Variants in PCDHGA1 observed in about 807,000 individuals in gnomAD.
The protein encoded by PCDHGA1 is protocadherin gamma-A1.
Under a neutral mutation model 58.0 loss-of-function variants are expected in PCDHGA1, and 32 were observed. That is an observed-to-expected ratio of 0.55 (90% CI 0.42 to 0.74). PCDHGA1 has a LOEUF of 0.74. Among genes scored for constraint, PCDHGA1 ranks in the 30% least tolerant of loss-of-function variants. The probability of loss-of-function intolerance (pLI) is 0.00; values close to 1 mark genes in which losing one functional copy is unlikely to be tolerated. For synonymous variants in PCDHGA1, 498 were observed against 501.1 expected (o/e 0.99, Z 0.08); for missense variants, 1,205 against 1,182.3 (o/e 1.02, Z -0.28).
At chr5:141,393,762 A>G (rs2092837336) in intron 1 of PCDHGA1, 1 of 1,613,940 alleles carries the variant, frequency 6.2e-7, no homozygotes, top group African/African-American at 1.3e-5. Context: ...ATTTTATGAA[A>G]TGGAAATACA....
intron 1 of PCDHGA1, chr5:141,377,170 T>C (rs1773747669): frequency 1.3e-5 from 2 of 152,264 alleles, no homozygotes; most frequent in Non-Finnish European, 2.9e-5. Context: ...TTTACCTTTC[T>C]CTTCTTGGCA....
chr5:141,469,376 A>T (rs572466149), intron 1 of PCDHGA1, among the ~76,000 whole-genome samples: 1 of 152,232 alleles, frequency 6.6e-6, no homozygotes, highest in East Asian at 1.9e-4. Flanking sequence ...AGAGATCGAG[A>T]CCATCCTGGC....
At chr5:141,350,693 C>T (rs760597498) in intron 1 of PCDHGA1, 1 of 1,613,390 alleles carries the variant, frequency 6.2e-7, no homozygotes, top group Non-Finnish European at 8.5e-7. Flanking sequence ...GTCAGCCTTA[C>T]CCGGGGTAAA....
chr5:141,371,529 A>G lies in PCDHGA1; in HGVS notation c.2421+38424A>G, dbSNP rs200031435. The G allele has an allele frequency of 3.3e-4, 527 of 1,613,610 alleles. No homozygotes were observed. The highest frequency in any genetic ancestry group is 8.3e-4 in the Admixed American group (50 of 59,952). On this transcript the variant is annotated intron_variant, in intron 1 of 3. Transcript: ENST00000517417. ...AACACATGATCTAGATTCTGGATTTAATGGAGAAATCCTATGCCAACTAAA... is the reference window on the plus strand; with the variant it reads ...AACACATGATCTAGATTCTGGATTTGATGGAGAAATCCTATGCCAACTAAA...
At chr5:141,442,053 G>A (rs888378256) in intron 1 of PCDHGA1, 3 of 197,472 alleles carry the variant, frequency 1.5e-5, no homozygotes, top group Non-Finnish European at 3.2e-5. Flanking sequence ...ACTGGTCGCG[G>A]TGCACTGCGG....
chr5:141,352,256 G>C (rs1367377007), intron 1 of PCDHGA1: 10 of 1,614,092 alleles, frequency 6.2e-6, no homozygotes, highest in Non-Finnish European at 8.5e-6. Context: ...TAGCCTGCAA[G>C]AGGTATTGCC....
intron 1 of PCDHGA1, chr5:141,371,564 C>A (rs1767846992): frequency 6.2e-7 from 1 of 1,613,816 alleles, no homozygotes; most frequent in Admixed American, 1.7e-5. Flanking sequence ...AAGGAAACTT[C>A]CCCTTTAAAA....
chr5:141,365,058 C>A lies in PCDHGA1; in HGVS notation c.2421+31953C>A, dbSNP rs769039827. On this transcript the variant is annotated intron_variant, in intron 1 of 3. Coordinates refer to ENST00000517417, the MANE Select transcript of PCDHGA1 (RefSeq NM_018912.3). Reference sequence around the variant, plus strand: ...GCAAACGACAATGCGCCCCTGTTCACCCCATCCGAGTACAGCGTGAGTGTT... The same window carrying A: ...GCAAACGACAATGCGCCCCTGTTCAACCCATCCGAGTACAGCGTGAGTGTT... The A allele has an allele frequency of 1.1e-5, 17 of 1,613,776 alleles. No homozygotes were observed. Among genetic ancestry groups the A allele is most frequent in the Non-Finnish European group, 1.4e-5 (17 of 1,179,912 alleles).
chr5:141,369,009 CT>C (rs1295175926), intron 1 of PCDHGA1, among the ~76,000 whole-genome samples: 2 of 152,148 alleles, frequency 1.3e-5, no homozygotes, highest in African/African-American at 4.8e-5. Context: ...GAACTCATTG[CT>C]TATTGCTGCA....
intron 1 of PCDHGA1, chr5:141,352,204 G>A (rs778821722): frequency 3.7e-6 from 6 of 1,614,036 alleles, no homozygotes; most frequent in South Asian, 1.1e-5. Flanking sequence ...GAGGACAGCC[G>A]CCACTCTCCG....
chr5:141,431,333 C>T lies in PCDHGA1; in HGVS notation c.2422-63474C>T. 1 of 1,614,058 alleles carries T rather than the reference C, an allele frequency of 6.2e-7. No individual in the cohort carries two copies. Among genetic ancestry groups the T allele is most frequent in the Non-Finnish European group, 8.5e-7 (1 of 1,180,030 alleles). On this transcript the variant is annotated intron_variant, in intron 1 of 3. Coordinates refer to ENST00000517417, the MANE Select transcript of PCDHGA1 (RefSeq NM_018912.3). The surrounding 1 kb of genome is among the most constrained non-coding windows in gnomAD (Gnocchi z 4.8). ...AAATGGAGCCGACGGTAGTAAGTAC[C>T]CCGAATTGGTGCTGAAACGCGCCCT...
In PCDHGA1 at chr5:141,387,872, G is replaced by T. The variant is rs1436610477; in HGVS notation, c.2421+54767G>T. ...TCTCCAGGCTGGTGAGCAAGCTGAG[G>T]AGAGCAAGAGGGATGGGGAGCGGCG... is the stretch of plus-strand genomic sequence containing the variant. On this transcript the variant is annotated intron_variant, in intron 1 of 3. Coordinates refer to ENST00000517417, the MANE Select transcript of PCDHGA1 (RefSeq NM_018912.3). The T allele has an allele frequency of 1.8e-5, 28 of 1,588,586 alleles. No homozygotes were observed. In the Admixed American group the frequency reaches 4.7e-4, roughly 26 times the overall value.
chr5:141,384,106 A>G, intron 1 of PCDHGA1: 1 of 1,602,128 alleles, frequency 6.2e-7, no homozygotes, highest in Non-Finnish European at 8.5e-7. Flanking sequence ...TAATTATTAT[A>G]GATTGGTCAC....
intron 1 of PCDHGA1, chr5:141,376,336 G>A (rs1433665161): frequency 1.2e-6 from 2 of 1,614,080 alleles, no homozygotes; most frequent in African/African-American, 2.7e-5. Flanking sequence ...CTTTCCTGCA[G>A]ACCTATTCCC....
chr5:141,439,297 G>T (rs1252051365), intron 1 of PCDHGA1, among the ~76,000 whole-genome samples: 1 of 152,064 alleles, frequency 6.6e-6, no homozygotes, highest in African/African-American at 2.4e-5. Context: ...CATGGAAAAA[G>T]TAAAGCCCAG....
intron 1 of PCDHGA1, among the ~76,000 whole-genome samples, chr5:141,459,376 G>A (rs72790056): frequency 0.022 from 3,347 of 152,266 alleles, 53 homozygotes; most frequent in South Asian, 0.04. Flanking sequence ...TATCAGCAGC[G>A]TGTTCCATTT....
At chr5:141,361,617 C>T (rs762792613) in intron 1 of PCDHGA1, 3 of 1,613,984 alleles carry the variant, frequency 1.9e-6, no homozygotes, top group South Asian at 1.1e-5. Flanking sequence ...TCGTAGCGAG[C>T]GACCTGAAGC....
At chr5:141,345,269 C>A (rs767423074) in intron 1 of PCDHGA1, 6 of 1,613,896 alleles carry the variant, frequency 3.7e-6, no homozygotes, top group Non-Finnish European at 3.4e-6. Flanking sequence ...CCCTGGACCG[C>A]GAACAAATAT....
Position 141,344,046 on chromosome 5 carries a change from C to T in PCDHGA1, c.2421+10941C>T, listed in dbSNP as rs76843294. 7.8e-4 allele frequency: 1,215 copies of T among 1,556,366 alleles called. 14 individuals carry two copies. In the African/African-American group the frequency reaches 0.015, roughly 19 times the overall value. On this transcript the variant is annotated intron_variant, in intron 1 of 3. Coordinates refer to ENST00000517417, the MANE Select transcript of PCDHGA1 (RefSeq NM_018912.3). The stretch of plus-strand genomic sequence containing the variant: ...CACCGAAAAGGAAATGACCAATTGC[C>T]TGAGTTTCCGAAATGGCAGAGGACT...
Sources: gnomAD v4.1 joint callset for allele counts (sites outside exome capture counted in the v4.1 genomes callset) on GRCh38, gnomAD v4.1.1 for gene constraint, Gnocchi (gnomAD v3.1) non-coding constraint, MANE v1.5 for transcripts, NCBI Gene and HGNC (gene_info 2026-07-23, HGNC 2026-07-21) for gene names.